The following ACBD4 variants were observed in gnomAD, a reference collection of about 807,000 sequenced individuals.
ACBD4 encodes the protein acyl-CoA binding domain containing 4, also known as acyl-CoA-binding domain-containing protein 4.
Under a neutral mutation model 46.0 loss-of-function variants are expected in ACBD4, and 41 were observed. The observed-to-expected ratio is 0.89, with a 90% CI of 0.69 to 1.16. The LOEUF is 1.16. Among genes scored for constraint, ACBD4 ranks in the 50% most tolerant of loss-of-function variants. The pLI, the probability that ACBD4 is intolerant of heterozygous loss-of-function variation, is 0.00. For missense variants in ACBD4, 393 were observed against 399.5 expected (o/e 0.98, Z 0.14); for synonymous variants, 162 against 155.9 (o/e 1.04, Z -0.29).
At position 45,135,965 on chromosome 17, in the gene ACBD4, A is replaced by T; in HGVS notation, c.-38+12A>T. The T allele has an allele frequency of 1.6e-6, 1 of 613,394 alleles. No individual in the cohort carries two copies. Among genetic ancestry groups the T allele is most frequent in the South Asian group, 2.0e-5 (1 of 49,122 alleles). The allele number at this position is 613,394 out of a possible 1,614,324, so 38.0% of individuals were successfully genotyped here. On this transcript the variant is annotated intron_variant, in intron 1 of 9. Transcript: ENST00000321854. Reference sequence around the variant, plus strand: ...CACACTGCCTTGAGGTAGGAAAAGGAGGCTCCTCAACCACAACTTCTGACC... The same window carrying T: ...CACACTGCCTTGAGGTAGGAAAAGGTGGCTCCTCAACCACAACTTCTGACC...
intron 8 of ACBD4, 70 bp downstream of exon 8, chr17:45,138,058 T>C: frequency 1.4e-6 from 2 of 1,470,264 alleles, no homozygotes; most frequent in Non-Finnish European, 1.9e-6. Flanking sequence ...GGCTTTCTCT[T>C]GGCTGCCTTC....
chr17:45,132,180 G>A, upstream of ACBD4: 3 of 1,228,160 alleles, frequency 2.4e-6, no homozygotes, highest in South Asian at 4.1e-5. The surrounding 1 kb of genome is among the most constrained non-coding windows in gnomAD (Gnocchi z 4.6). Context: ...ACTGCTCCCT[G>A]GAGCGCCCCA....
chr17:45,134,163 T>C (rs2054640062), upstream of ACBD4, among the ~76,000 whole-genome samples: 1 of 152,218 alleles, frequency 6.6e-6, no homozygotes, highest in African/African-American at 2.4e-5. Flanking sequence ...TATTTGTTTA[T>C]TAGAGACAAG....
chr17:45,138,912 G>C (rs1446046045), intron 8 of ACBD4, 109 bp from the exon 9 acceptor site: 10 of 1,189,090 alleles, frequency 8.4e-6, no homozygotes, highest in East Asian at 5.0e-5. Flanking sequence ...TTGGTACAGC[G>C]ACTGGGTTCC....
At chr17:45,133,688 C>T (rs552089383), upstream of ACBD4, among the ~76,000 whole-genome samples, 277 of 151,004 alleles carry the variant, frequency 1.8e-3, no homozygotes, top group Non-Finnish European at 2.8e-3. Flanking sequence ...CCCGCCACTA[C>T]GCCCGGCTAA....
upstream of ACBD4, among the ~76,000 whole-genome samples, chr17:45,134,669 C>T (rs948763727): frequency 3.3e-5 from 5 of 151,740 alleles, no homozygotes; most frequent in African/African-American, 4.8e-5. Flanking sequence ...CCCAGTTGCT[C>T]GGGAGGCTGA....
At chr17:45,142,239 A>G (rs1290761644) in intron 9 of ACBD4, among the ~76,000 whole-genome samples, 1 of 151,780 alleles carries the variant, frequency 6.6e-6, no homozygotes, top group Non-Finnish European at 1.5e-5. Flanking sequence ...CTAAAAATAC[A>G]AAAATTAGCT....
chr17:45,133,141 G>C (rs1013806955), upstream of ACBD4: 3 of 152,278 alleles, frequency 2.0e-5, no homozygotes, highest in Admixed American at 1.3e-4. Context: ...TTCGAGGCTT[G>C]GACAGGCCGG....
intron 9 of ACBD4, among the ~76,000 whole-genome samples, chr17:45,143,127 G>C (rs1162170835): frequency 6.6e-6 from 1 of 152,110 alleles, no homozygotes; most frequent in Non-Finnish European, 1.5e-5. Flanking sequence ...TGACATATGT[G>C]GCACATCCTT....
At chr17:45,133,520 CTTTTTTTTTT>C (rs10569248), upstream of ACBD4, among the ~76,000 whole-genome samples, 40 of 73,846 alleles carry the variant, frequency 5.4e-4, no homozygotes, top group Middle Eastern at 0.015. Flanking sequence ...CCTGAATTTT[CTTTTTTTTTT>C]TTTTTTTTTT....
chr17:45,132,653 C>A (rs1346264957), upstream of ACBD4: 1 of 249,192 alleles, frequency 4.0e-6, no homozygotes, highest in South Asian at 1.7e-4. This position sits in a 1 kb window ranked among gnomAD's most constrained non-coding sequence, Gnocchi z 4.6. Flanking sequence ...CCTCAGCGCT[C>A]GCCCCTGCTC....
intron 7 of ACBD4, 35 bp downstream of exon 7, chr17:45,137,865 C>A (rs375037904): frequency 2.2e-5 from 35 of 1,612,578 alleles, no homozygotes; most frequent in Non-Finnish European, 2.8e-5. Flanking sequence ...TTTTCCCACC[C>A]CACTGTGCTC....
chr17:45,141,310 G>A (rs60289499), intron 9 of ACBD4, among the ~76,000 whole-genome samples: 38,172 of 151,968 alleles, frequency 0.25, 4,977 homozygotes, highest in South Asian at 0.35. Flanking sequence ...CACCTTTTGG[G>A]TCTAATTACA....
chr17:45,135,542 C>T (rs2054756651), upstream of ACBD4: 1 of 152,350 alleles, frequency 6.6e-6, no homozygotes, highest in South Asian at 2.1e-4. Flanking sequence ...TTGGGAAAGG[C>T]TCTGAGAAAC....
intron 9 of ACBD4, chr17:45,142,473 C>A (rs2143951525): frequency 2.9e-5 from 4 of 139,014 alleles, no homozygotes; most frequent in South Asian, 1.4e-4. Context: ...TAAATGGTGA[C>A]AAAAATTCCA....
rs1346526512 is a variant in ACBD4, at chr17:45,138,990, G to T, written c.650-31G>T. 3 of 1,610,266 alleles carry T rather than the reference G, an allele frequency of 1.9e-6. No individual in the cohort carries two copies. In the East Asian group the frequency reaches 6.7e-5, roughly 36 times the overall value. On this transcript the variant is annotated intron_variant, in intron 8 of 9. Transcript: ENST00000321854. ...TGCCCAGAGCTGAATTGCCTCCTGAGCCCCCTTCCCTGTGTGTCTGTGCTC... is the reference window on the plus strand; with the variant it reads ...TGCCCAGAGCTGAATTGCCTCCTGATCCCCCTTCCCTGTGTGTCTGTGCTC...
chr17:45,132,026 CT>C (rs1349505646), upstream of ACBD4, among the ~76,000 whole-genome samples: 1 of 152,234 alleles, frequency 6.6e-6, no homozygotes, highest in Admixed American at 6.5e-5. This position sits in a 1 kb window ranked among gnomAD's most constrained non-coding sequence, Gnocchi z 4.6. Context: ...CGAGCGCCCC[CT>C]GGTGGGAAGC....
chr17:45,143,664 C>T lies in ACBD4; in HGVS notation c.*93C>T, dbSNP rs541034697. On this transcript the variant is annotated 3_prime_UTR_variant, in exon 10 of 10. Coordinates refer to ENST00000321854, the MANE Select transcript of ACBD4 (RefSeq NM_001135705.3). ...TAGAAGAACAGCATTCAAAATTCCCCGTCCTGTCAGTGTTTGCCTTCGCAC... is the reference window on the plus strand; with the variant it reads ...TAGAAGAACAGCATTCAAAATTCCCTGTCCTGTCAGTGTTTGCCTTCGCAC... 15 of 1,603,884 alleles carry T rather than the reference C, an allele frequency of 9.4e-6. No individual in the cohort carries two copies. The highest frequency in any genetic ancestry group is 1.2e-5 in the Non-Finnish European group (14 of 1,173,322).
Position 45,137,045 on chromosome 17 carries a change from G to A in ACBD4, c.321G>A (p.Glu107=), listed in dbSNP as rs750224092. ...QKVIDTVPLG[E]VAEDMFGYFE... is the part of the protein sequence containing the mutation. ...TGATCGACACAGTGCCCCTGGGTGA[G>A]GTGGCAGAGGACATGTTTGGTTACT... Residue 107 remains glutamate (E), a synonymous_variant, in exon 5 of 10, where the codon GAG becomes GAA. Coordinates refer to ENST00000321854, the MANE Select transcript of ACBD4 (RefSeq NM_001135705.3). The A allele has an allele frequency of 6.2e-7, 1 of 1,614,150 alleles. No homozygotes were observed. Among genetic ancestry groups the A allele is most frequent in the Non-Finnish European group, 8.5e-7 (1 of 1,180,026 alleles).
Sources: allele counts gnomAD v4.1 joint callset (sites outside exome capture counted in the v4.1 genomes callset), GRCh38; gene constraint gnomAD v4.1.1; non-coding constraint Gnocchi (gnomAD v3.1); transcripts MANE v1.5; gene names NCBI Gene and HGNC (gene_info 2026-07-23, HGNC 2026-07-21).